The following SPATA12 variants were observed in gnomAD, a reference collection of about 807,000 sequenced individuals.
The protein encoded by SPATA12 is spermatogenesis associated 12, also known as spermatogenesis-associated protein 12.
For missense variants in SPATA12, 219 were observed against 226.4 expected (o/e 0.97, Z 0.21); for synonymous variants, 85 against 89.2 (o/e 0.95, Z 0.26).
At chr3:57,060,905 A>G (rs560163263) in intron 1 of SPATA12, 119 bp downstream of exon 1, 20 of 149,388 alleles carry the variant, frequency 1.3e-4, no homozygotes, top group African/African-American at 4.9e-4. Context: ...ACATTTTGAC[A>G]TAAGTTCAAT....
chr3:57,074,032 T>C lies in SPATA12; in HGVS notation c.338T>C (p.Ile113Thr), dbSNP rs1233108310. 2.0e-5 allele frequency: 32 copies of C among 1,614,096 alleles called. No homozygotes were observed. Among genetic ancestry groups the C allele is most frequent in the Non-Finnish European group, 2.6e-5 (31 of 1,180,030 alleles). ...CCCTCTTCACCTCCAGCTCTCCTGA[T>C]ACAGCAAGGCAGTTGTGAGCAAGTT... ...GRPSSPPALL[I>T]QQGSCEQVIH... The change falls in exon 2 of 2, where the codon ATA becomes ACA. Residue 113 changes from isoleucine to threonine, a missense_variant. Transcript: ENST00000334325.
At chr3:57,067,411 C>A (rs920176271) in intron 1 of SPATA12, among the ~76,000 whole-genome samples, 2 of 150,510 alleles carry the variant, frequency 1.3e-5, no homozygotes, top group African/African-American at 2.4e-5. Flanking sequence ...GCCAAGATTG[C>A]GCCACTGCAC....
chr3:57,066,562 C>A (rs1289120930), intron 1 of SPATA12, among the ~76,000 whole-genome samples: 2 of 152,240 alleles, frequency 1.3e-5, no homozygotes, highest in African/African-American at 4.8e-5. Flanking sequence ...CGCGCCCAGG[C>A]TTTTGCCTTT....
chr3:57,067,199 C>A (rs988491941), intron 1 of SPATA12, among the ~76,000 whole-genome samples: 3 of 152,140 alleles, frequency 2.0e-5, no homozygotes, highest in Admixed American at 6.6e-5. Context: ...CGCCTGTAAT[C>A]CCAGTACTTT....
At chr3:57,062,389 C>G (rs1705271117) in intron 1 of SPATA12, among the ~76,000 whole-genome samples, 1 of 152,146 alleles carries the variant, frequency 6.6e-6, no homozygotes, top group African/African-American at 2.4e-5. Context: ...GGAGGGGAAC[C>G]ATGATAGGCC....
At chr3:57,071,096 T>C (rs1705875035) in intron 1 of SPATA12, among the ~76,000 whole-genome samples, 1 of 151,902 alleles carries the variant, frequency 6.6e-6, no homozygotes, top group African/African-American at 2.4e-5. Flanking sequence ...TAGACAGCAA[T>C]ACTGGCATAA....
rs796586047 is a variant in SPATA12, at chr3:57,066,270, C to CTTT, written c.-330+5495_-330+5497dup. The stretch of plus-strand genomic sequence containing the variant: ...CAACCATTACACTTTTCCTTTCTTT[C>CTTT]TTTTTTTTTTTTTCTGAAACAGAGT... On this transcript the variant is annotated intron_variant, in intron 1 of 1. Transcript: ENST00000334325. 3.8e-3 allele frequency among the ~76,000 whole-genome samples: 559 copies of CTTT among 145,336 alleles called. 2 individuals carry two copies. Among genetic ancestry groups the CTTT allele is most frequent in the African/African-American group, 0.013 (520 of 39,960 alleles).
intron 1 of SPATA12, among the ~76,000 whole-genome samples, chr3:57,061,361 G>A (rs1021755984): frequency 2.0e-5 from 3 of 152,076 alleles, no homozygotes; most frequent in Non-Finnish European, 2.9e-5. Context: ...ACAGTGGCAC[G>A]ATCATAACTC....
chr3:57,066,452 G>A (rs1381560006), intron 1 of SPATA12, among the ~76,000 whole-genome samples: 7 of 152,032 alleles, frequency 4.6e-5, no homozygotes, highest in Admixed American at 3.9e-4. Flanking sequence ...TAGTAGAGAC[G>A]GGGTTTCACC....
At chr3:57,061,383 A>T (rs1217662079) in intron 1 of SPATA12, among the ~76,000 whole-genome samples, 1 of 152,124 alleles carries the variant, frequency 6.6e-6, no homozygotes, top group African/African-American at 2.4e-5. Flanking sequence ...CTGCAGCCTC[A>T]AACTCCTGGG....
intron 1 of SPATA12, among the ~76,000 whole-genome samples, chr3:57,067,969 G>A (rs927547453): frequency 6.6e-5 from 10 of 151,718 alleles, no homozygotes; most frequent in East Asian, 1.9e-4. Flanking sequence ...CAGCCTGGGC[G>A]ACAGAGCAAG....
chr3:57,072,010 A>C (rs1427413530), intron 1 of SPATA12, among the ~76,000 whole-genome samples: 4 of 152,240 alleles, frequency 2.6e-5, no homozygotes, highest in Non-Finnish European at 1.5e-5. Context: ...CAATAAGCAC[A>C]TGAAAGAAGG....
chr3:57,061,304 ATTT>A (rs530275314), intron 1 of SPATA12, among the ~76,000 whole-genome samples: 1 of 151,268 alleles, frequency 6.6e-6, no homozygotes, highest in East Asian at 1.9e-4. Context: ...ATTTATTATT[ATTT>A]TTTTTTTTGC....
chr3:57,073,795 C>T lies in SPATA12; in HGVS notation c.101C>T (p.Pro34Leu). Residue 34 changes from proline to leucine, a missense_variant, in exon 2 of 2, where the codon CCC (proline) becomes CTC (leucine). By Grantham distance (98) the Pro-to-Leu change is moderately conservative (BLOSUM62 -3). Coordinates refer to ENST00000334325, the MANE Select transcript of SPATA12 (RefSeq NM_181727.2). ...LDSSRLVPWP[P>L]RGLGSSTQHP... ...TCTTCCAGACTCGTTCCATGGCCAC[C>T]CAGAGGCCTTGGGTCATCCACCCAA... The T allele has an allele frequency of 6.2e-7, 1 of 1,614,194 alleles. No individual in the cohort carries two copies. Among genetic ancestry groups the T allele is most frequent in the Non-Finnish European group, 8.5e-7 (1 of 1,180,052 alleles).
In SPATA12 at chr3:57,075,151, TA is replaced by T. The variant is rs1402911478; in HGVS notation, c.*885del. On this transcript the variant is annotated 3_prime_UTR_variant, in exon 2 of 2. Coordinates refer to ENST00000334325, the MANE Select transcript of SPATA12 (RefSeq NM_181727.2). ...TTTGTCTGGGTTTCTGCTCCAATGC[TA>T]TCTCCTCAGAAAGACCTTCTCTGAC... 1 of 167,186 alleles carries T rather than the reference TA, an allele frequency of 6.0e-6. No homozygotes were observed. Among genetic ancestry groups the T allele is most frequent in the African/African-American group, 2.4e-5 (1 of 41,446 alleles). 10.4% of individuals were successfully genotyped at this position (167,186 alleles called of 1,614,324 possible).
intron 1 of SPATA12, among the ~76,000 whole-genome samples, chr3:57,066,147 A>C (rs1395706584): frequency 2.0e-5 from 3 of 152,116 alleles, no homozygotes. Flanking sequence ...CTGTAATTGC[A>C]AGAGAACAAG....
chr3:57,062,230 C>G (rs1276489134), intron 1 of SPATA12, among the ~76,000 whole-genome samples: 1 of 152,252 alleles, frequency 6.6e-6, no homozygotes, highest in Non-Finnish European at 1.5e-5. Flanking sequence ...GCTCCACACT[C>G]TGGGCCTGTC....
intron 1 of SPATA12, among the ~76,000 whole-genome samples, chr3:57,062,031 A>G (rs551117471): frequency 1.3e-5 from 2 of 152,132 alleles, no homozygotes; most frequent in Non-Finnish European, 2.9e-5. Flanking sequence ...GCTCTGGACT[A>G]AGGATCAAGT....
At chr3:57,069,937 G>A (rs370294142) in intron 1 of SPATA12, among the ~76,000 whole-genome samples, 5 of 152,174 alleles carry the variant, frequency 3.3e-5, no homozygotes, top group Admixed American at 2.0e-4. Flanking sequence ...GAGCCACTGC[G>A]CCTGGCCTAA....
Sources: gnomAD v4.1 joint callset for allele counts (sites outside exome capture counted in the v4.1 genomes callset) on GRCh38, gnomAD v4.1.1 for gene constraint, MANE v1.5 for transcripts, NCBI Gene and HGNC (gene_info 2026-07-23, HGNC 2026-07-21) for gene names.